CADM2: variants seen among roughly 807,000 people sequenced by gnomAD.
CADM2 encodes cell adhesion molecule 2.
Under a neutral mutation model 49.8 loss-of-function variants are expected in CADM2, and 12 were observed. That is an observed-to-expected ratio of 0.24 (90% CI 0.15 to 0.39). The LOEUF is 0.39. Among genes scored for constraint, CADM2 ranks in the 10% least tolerant of loss-of-function variants. The pLI, the probability that CADM2 is intolerant of heterozygous loss-of-function variation, is 1.00. For missense variants in CADM2, 378 were observed against 492.3 expected (o/e 0.77, Z 2.20); for synonymous variants, 214 against 175.4 (o/e 1.22, Z -1.74).
At chr3:85,345,093 A>G (rs913211365) in intron 1 of CADM2, among the ~76,000 whole-genome samples, 1 of 152,048 alleles carries the variant, frequency 6.6e-6, no homozygotes, top group African/African-American at 2.4e-5. Context: ...AGGTGAGTGG[A>G]TCACCTGAGG....
At chr3:85,120,440 T>G (rs2038814069) in intron 1 of CADM2, among the ~76,000 whole-genome samples, 1 of 152,018 alleles carries the variant, frequency 6.6e-6, no homozygotes. Context: ...ACCACATTAA[T>G]GATAGACTGG....
At chr3:85,195,242 A>AT (rs1021575391) in intron 1 of CADM2, among the ~76,000 whole-genome samples, 1 of 152,156 alleles carries the variant, frequency 6.6e-6, no homozygotes, top group Non-Finnish European at 1.5e-5. Context: ...GTGATGTTAT[A>AT]TAAGTTATTT....
chr3:85,816,796 A>G (rs181483809), intron 3 of CADM2, among the ~76,000 whole-genome samples: 16 of 152,292 alleles, frequency 1.1e-4, no homozygotes, highest in African/African-American at 3.8e-4. Flanking sequence ...AAAATATTAA[A>G]TTATGAATTT....
At chr3:85,336,280 A>T (rs2045076502) in intron 1 of CADM2, among the ~76,000 whole-genome samples, 1 of 151,500 alleles carries the variant, frequency 6.6e-6, no homozygotes, top group African/African-American at 2.4e-5. Flanking sequence ...TTCTGAATTT[A>T]GCTAAAATAA....
chr3:85,347,568 T>TAA (rs1282827751), intron 1 of CADM2, among the ~76,000 whole-genome samples: 35 of 137,852 alleles, frequency 2.5e-4, no homozygotes, highest in African/African-American at 9.5e-4. Flanking sequence ...CACATATATA[T>TAA]AAATATATAT....
intron 8 of CADM2, among the ~76,000 whole-genome samples, chr3:85,977,522 T>C (rs1577842795): frequency 6.6e-6 from 1 of 151,730 alleles, no homozygotes; most frequent in South Asian, 2.1e-4. Flanking sequence ...TAGATAAGTA[T>C]AAAAGTTAAA....
intron 1 of CADM2, among the ~76,000 whole-genome samples, chr3:85,134,676 C>G (rs1190631042): frequency 6.6e-6 from 1 of 152,022 alleles, no homozygotes; most frequent in African/African-American, 2.4e-5. Flanking sequence ...GGTGGTTAAT[C>G]TTCTTCAATT....
intron 1 of CADM2, among the ~76,000 whole-genome samples, chr3:85,583,427 A>G (rs1412758679): frequency 6.6e-6 from 1 of 152,156 alleles, no homozygotes; most frequent in Non-Finnish European, 1.5e-5. Context: ...AGCAATAGTA[A>G]GTGGTCACAG....
intron 1 of CADM2, among the ~76,000 whole-genome samples, chr3:85,059,014 C>T (rs565773119): frequency 3.3e-4 from 50 of 151,506 alleles, no homozygotes; most frequent in Non-Finnish European, 5.5e-4. Flanking sequence ...CCGAGGTGGG[C>T]GGATCATGAG....
At chr3:85,261,698 G>A (rs2043016931) in intron 1 of CADM2, among the ~76,000 whole-genome samples, 1 of 151,958 alleles carries the variant, frequency 6.6e-6, no homozygotes, top group Non-Finnish European at 1.5e-5. Context: ...AAGATCCTGA[G>A]ATAGTATATA....
At chr3:85,226,297 A>C (rs1352246005) in intron 1 of CADM2, among the ~76,000 whole-genome samples, 1 of 149,638 alleles carries the variant, frequency 6.7e-6, no homozygotes, top group African/African-American at 2.5e-5. Context: ...TCTCAATTTC[A>C]GAATCTGTTA....
chr3:85,975,750 A>T (rs1461149842), intron 8 of CADM2, among the ~76,000 whole-genome samples: 1 of 151,668 alleles, frequency 6.6e-6, no homozygotes, highest in Non-Finnish European at 1.5e-5. Flanking sequence ...TCTCCAAGGA[A>T]CACACAAAAA....
intron 1 of CADM2, among the ~76,000 whole-genome samples, chr3:85,144,678 A>T (rs2039684504): frequency 6.6e-6 from 1 of 152,018 alleles, no homozygotes; most frequent in Non-Finnish European, 1.5e-5. Flanking sequence ...TGCATGGAAT[A>T]AGACTTGGCA....
chr3:85,974,853 C>T (rs775720552), intron 8 of CADM2, among the ~76,000 whole-genome samples: 1 of 151,362 alleles, frequency 6.6e-6, no homozygotes, highest in African/African-American at 2.4e-5. Flanking sequence ...CCAAAATTTT[C>T]CTTTTACATG....
At chr3:85,135,533 C>A (rs528618764) in intron 1 of CADM2, among the ~76,000 whole-genome samples, 5 of 152,042 alleles carry the variant, frequency 3.3e-5, no homozygotes, top group African/African-American at 1.2e-4. Flanking sequence ...ATATAGTACT[C>A]ATCATTGTAA....
At chr3:85,911,375 T>C (rs914764879) in intron 5 of CADM2, among the ~76,000 whole-genome samples, 1 of 152,210 alleles carries the variant, frequency 6.6e-6, no homozygotes, top group Admixed American at 6.5e-5. Flanking sequence ...CATTTAACGA[T>C]GGATCTAAAT....
intron 2 of CADM2, among the ~76,000 whole-genome samples, chr3:85,780,926 GTGCTTGTTCCTTGGACCA>G (rs1030318328): frequency 3.5e-4 from 54 of 152,206 alleles, no homozygotes; most frequent in African/African-American, 1.3e-3. Context: ...GAATTGGAAA[GTGCTTGTTCCTTGGACCA>G]TGCTCTTGGG....
intron 8 of CADM2, among the ~76,000 whole-genome samples, chr3:86,064,061 A>AT (rs907399810): frequency 7.9e-5 from 11 of 140,090 alleles, no homozygotes; most frequent in African/African-American, 2.6e-4. Context: ...ATATATATAC[A>AT]TTTTTTTATT....
rs150017893 is a variant in CADM2, at chr3:85,129,454, C to T, written c.61+169786C>T. 8.4e-4 allele frequency among the ~76,000 whole-genome samples: 127 copies of T among 152,084 alleles called. 2 individuals carry two copies. In the East Asian group the frequency reaches 0.023, roughly 28 times the overall value. On this transcript the variant is annotated intron_variant, in intron 1 of 9. Coordinates refer to ENST00000383699, the MANE Select transcript of CADM2 (RefSeq NM_001167675.2). ...TATCACTTTAATTTTCTCTTTCTTTCCTGTAATTGACTAAATTTATAAAAA... is the reference window on the plus strand; with the variant it reads ...TATCACTTTAATTTTCTCTTTCTTTTCTGTAATTGACTAAATTTATAAAAA...
Sources: gnomAD v4.1 joint callset for allele counts (sites outside exome capture counted in the v4.1 genomes callset) on GRCh38, gnomAD v4.1.1 for gene constraint, MANE v1.5 for transcripts, NCBI Gene and HGNC (gene_info 2026-07-23, HGNC 2026-07-21) for gene names.